C1QL3: variants seen among roughly 807,000 people sequenced by gnomAD.
C1QL3 encodes the protein complement C1q like 3, also known as complement C1q-like protein 3.
C1QL3 carries 4 observed loss-of-function variants against 16.6 expected under a neutral mutation model. The ratio of observed to expected loss-of-function variants is 0.24; its 90% CI spans 0.12 to 0.55. C1QL3 has a LOEUF of 0.55. Among genes scored for constraint, C1QL3 ranks in the 20% least tolerant of loss-of-function variants. The pLI is 0.94. For synonymous variants in C1QL3, 189 were observed against 160.2 expected (o/e 1.18, Z -1.36); for missense variants, 269 against 365.6 (o/e 0.74, Z 2.16).
intron 1 of C1QL3, among the ~76,000 whole-genome samples, chr10:16,515,473 G>A (rs1232602034): frequency 2.0e-5 from 3 of 152,102 alleles, no homozygotes; most frequent in African/African-American, 7.2e-5. Context: ...CATGCTCTGA[G>A]GCCTCTCAAG....
In C1QL3 at chr10:16,521,295, C is replaced by T; in HGVS notation, c.-230G>A. On this transcript the variant is annotated 5_prime_UTR_variant, in exon 1 of 2. Transcript: ENST00000298943. ...GCGGAGGCTGCGGCTGGGGAGGGAGCGCGGGCGCCCAGTGACTTGAGCCGA... is the reference window on the plus strand; with the variant it reads ...GCGGAGGCTGCGGCTGGGGAGGGAGTGCGGGCGCCCAGTGACTTGAGCCGA... 1 of 480,340 alleles carries T rather than the reference C, an allele frequency of 2.1e-6. No individual in the cohort carries two copies. The highest frequency in any genetic ancestry group is 3.7e-6 in the Non-Finnish European group (1 of 273,794). 29.8% of individuals were successfully genotyped at this position (480,340 alleles called of 1,614,324 possible).
rs776290777 is a variant in C1QL3 at position 16,520,766 on chromosome 10, G to C, written c.300C>G (p.Gly100=). ...CGGGCGCCCCGGGCGGGCCCGGCAG[G>C]CCTTGGCGGCCCGGCTCGCCCTTCT... is the stretch of plus-strand genomic sequence containing the variant. The part of the protein sequence containing the change: ...PGEKGEPGRQ[G]LPGPPGAPGL... The change falls in exon 1 of 2, where the codon GGC becomes GGG. Residue 100 remains glycine, a synonymous_variant. Coordinates refer to ENST00000298943, the MANE Select transcript of C1QL3 (RefSeq NM_001010908.2). The surrounding 1 kb of genome is among the most constrained non-coding windows in gnomAD (Gnocchi z 8.3). 1 of 1,315,740 alleles carries C rather than the reference G, an allele frequency of 7.6e-7. No homozygotes were observed. Among genetic ancestry groups the C allele is most frequent in the South Asian group, 2.4e-5 (1 of 41,488 alleles). The allele number at this position is 1,315,740 out of a possible 1,614,324, so 81.5% of individuals were successfully genotyped here. A position where few individuals can be genotyped will look rare whatever the true frequency, so the allele number is the denominator to read the frequency against.
rs770900487 is a variant in C1QL3, at chr10:16,521,013, G to C, written c.53C>G (p.Thr18Arg). Residue 18 changes from threonine (T) to arginine (R), a missense_variant, in exon 1 of 2, where the codon ACG becomes AGG. Transcript: ENST00000298943. ...LIPVLVSSAG[T>R]SAHYEMLGTC... ...GCCCAGCATCTCGTAGTGCGCCGAC[G>C]TGCCGGCCGAGCTCACCAGCACCGG... The C allele has an allele frequency of 3.1e-5, 49 of 1,599,324 alleles. No homozygotes were observed. The highest frequency in any genetic ancestry group is 4.1e-5 in the Non-Finnish European group (48 of 1,178,400).
In C1QL3 at chr10:16,519,140, C is replaced by CTTTTTTTTTTTTTTT. The variant is rs567187339; in HGVS notation, c.588+1323_588+1337dup. ...TTTTTTCTCTCTTACGCATTTAGGACTTTTTTTTTTTTTTTTTTGGTCTTT... is the reference window on the plus strand; with the variant it reads ...TTTTTTCTCTCTTACGCATTTAGGACTTTTTTTTTTTTTTTTTTTTTTTTTTTTTTTTTGGTCTTT... On this transcript the variant is annotated intron_variant, in intron 1 of 1. Transcript: ENST00000298943. 1.5e-3 allele frequency among the ~76,000 whole-genome samples: 58 copies of CTTTTTTTTTTTTTTT among 39,444 alleles called. 10 individuals carry two copies. Among genetic ancestry groups the CTTTTTTTTTTTTTTT allele is most frequent in the African/African-American group, 6.0e-3 (39 of 6,458 alleles). The allele number at this position is 39,444 out of a possible 152,430, so 25.9% of individuals were successfully genotyped here.
Position 16,520,441 on chromosome 10 carries a change from T to TCCCG in C1QL3, c.588+36_588+37insCGGG. 2 of 1,227,532 alleles carry TCCCG rather than the reference T, an allele frequency of 1.6e-6. No homozygotes were observed. The highest frequency in any genetic ancestry group is 2.3e-6 in the Non-Finnish European group (2 of 881,044). 76.0% of individuals were successfully genotyped at this position (1,227,532 alleles called of 1,614,324 possible). Reference sequence around the variant, plus strand: ...CCCTCTCGCCCGCACCTTCCCGCGCTCCCTCCCCGCCCTCCCCGCCGCCCG... The same window carrying TCCCG: ...CCCTCTCGCCCGCACCTTCCCGCGCTCCCGCCCTCCCCGCCCTCCCCGCCGCCCG... On this transcript the variant is annotated intron_variant, in intron 1 of 1. Transcript: ENST00000298943. This position sits in a 1 kb window ranked among gnomAD's most constrained non-coding sequence, Gnocchi z 8.3.
Position 16,521,223 on chromosome 10 carries a change from C to G in C1QL3, c.-158G>C. The G allele has an allele frequency of 1.6e-6, 1 of 629,616 alleles. No homozygotes were observed. Among genetic ancestry groups the G allele is most frequent in the Non-Finnish European group, 2.6e-6 (1 of 378,468 alleles). 39.0% of individuals were successfully genotyped at this position (629,616 alleles called of 1,614,324 possible). ...ACAACCCCCTGCGAACCCCAACTCC[C>G]CTGGGCGTGCGTGCGCCGGCCGCTG... On this transcript the variant is annotated 5_prime_UTR_variant, in exon 1 of 2. Coordinates refer to ENST00000298943, the MANE Select transcript of C1QL3 (RefSeq NM_001010908.2).
At position 16,520,441 on chromosome 10, in the gene C1QL3, T is replaced by TCCCGC; in HGVS notation, c.588+36_588+37insGCGGG. 1 of 1,227,530 alleles carries TCCCGC rather than the reference T, an allele frequency of 8.1e-7. No homozygotes were observed. The highest frequency in any genetic ancestry group is 1.1e-6 in the Non-Finnish European group (1 of 881,042). 76.0% of individuals were successfully genotyped at this position (1,227,530 alleles called of 1,614,324 possible). A position where few individuals can be genotyped will look rare whatever the true frequency, so the allele number is the denominator to read the frequency against. ...CCCTCTCGCCCGCACCTTCCCGCGC[T>TCCCGC]CCCTCCCCGCCCTCCCCGCCGCCCG... is the stretch of plus-strand genomic sequence containing the variant. On this transcript the variant is annotated intron_variant, in intron 1 of 1. Transcript: ENST00000298943. This position sits in a 1 kb window ranked among gnomAD's most constrained non-coding sequence, Gnocchi z 8.3.
chr10:16,519,831 C>T lies in C1QL3; in HGVS notation c.588+647G>A, dbSNP rs139999915. Reference sequence around the variant, plus strand: ...ACTATTCTTTTTGTTATCAGCACTCCTTGCCTCTCCCCTCCGCTATTTTTT... The same window carrying T: ...ACTATTCTTTTTGTTATCAGCACTCTTTGCCTCTCCCCTCCGCTATTTTTT... On this transcript the variant is annotated intron_variant, in intron 1 of 1. Transcript: ENST00000298943. Among the ~76,000 whole-genome samples the T allele has an allele frequency of 9.2e-3, 1,396 of 152,304 alleles. 21 individuals are homozygous for T. Among genetic ancestry groups the T allele is most frequent in the African/African-American group, 0.032 (1,320 of 41,566 alleles).
intron 1 of C1QL3, among the ~76,000 whole-genome samples, chr10:16,519,686 G>C (rs566288011): frequency 3.9e-5 from 6 of 152,220 alleles, no homozygotes; most frequent in African/African-American, 1.4e-4. Flanking sequence ...TAGACCCGGG[G>C]CTGGGCTCGA....
In C1QL3 at chr10:16,520,445, T is replaced by TCCCCCCCCCCC; in HGVS notation, c.588+32_588+33insGGGGGGGGGGG. On this transcript the variant is annotated intron_variant, in intron 1 of 1. Transcript: ENST00000298943. The surrounding 1 kb of genome is among the most constrained non-coding windows in gnomAD (Gnocchi z 8.3). ...CTCGCCCGCACCTTCCCGCGCTCCCTCCCCGCCCTCCCCGCCGCCCGCCCG... is the reference window on the plus strand; with the variant it reads ...CTCGCCCGCACCTTCCCGCGCTCCCTCCCCCCCCCCCCCCCGCCCTCCCCGCCGCCCGCCCG... The TCCCCCCCCCCC allele has an allele frequency of 1.1e-5, 6 of 527,488 alleles. No individual in the cohort carries two copies. The highest frequency in any genetic ancestry group is 6.6e-5 in the South Asian group (3 of 45,568). The allele number at this position is 527,488 out of a possible 1,614,324, so 32.7% of individuals were successfully genotyped here.
In C1QL3 at chr10:16,521,249, C is replaced by A; in HGVS notation, c.-184G>T. ...CTGGGCGTGCGTGCGCCGGCCGCTGCTGCCGACTCCTGCTCCCCCCGCGGA... is the reference window on the plus strand; with the variant it reads ...CTGGGCGTGCGTGCGCCGGCCGCTGATGCCGACTCCTGCTCCCCCCGCGGA... On this transcript the variant is annotated 5_prime_UTR_variant, in exon 1 of 2. Coordinates refer to ENST00000298943, the MANE Select transcript of C1QL3 (RefSeq NM_001010908.2). 1.8e-6 allele frequency: 1 copy of A among 569,150 alleles called. No homozygotes were observed. Among genetic ancestry groups the A allele is most frequent in the Non-Finnish European group, 3.0e-6 (1 of 329,418 alleles). The allele number at this position is 569,150 out of a possible 1,614,324, so 35.3% of individuals were successfully genotyped here. A position where few individuals can be genotyped will look rare whatever the true frequency, so the allele number is the denominator to read the frequency against.
intron 1 of C1QL3, among the ~76,000 whole-genome samples, chr10:16,519,598 G>A (rs1837006192): frequency 6.6e-6 from 1 of 152,110 alleles, no homozygotes; most frequent in African/African-American, 2.4e-5. Context: ...GAATACTGCA[G>A]ACCCATGCGT....
At chr10:16,518,937 G>A (rs757965425) in intron 1 of C1QL3, among the ~76,000 whole-genome samples, 1 of 151,830 alleles carries the variant, frequency 6.6e-6, no homozygotes, top group Non-Finnish European at 1.5e-5. Context: ...GCCTATAACT[G>A]TTTTACTGTT....
rs201860176 is a variant in C1QL3, at chr10:16,520,682, G to C, written c.384C>G (p.Ala128=). Residue 128 remains alanine, a synonymous_variant, in exon 1 of 2, where the codon GCC becomes GCG. Coordinates refer to ENST00000298943, the MANE Select transcript of C1QL3 (RefSeq NM_001010908.2). The surrounding 1 kb of genome is among the most constrained non-coding windows in gnomAD (Gnocchi z 8.3). The part of the protein sequence containing the change: ...AATYSTVPKI[A]FYAGLKRQHE... ...GCTGCCGCTTGAGGCCGGCGTAGAA[G>C]GCGATCTTGGGCACCGTGCTGTAGG... The C allele has an allele frequency of 1.1e-5, 18 of 1,608,258 alleles. No homozygotes were observed. In the Admixed American group the frequency reaches 2.9e-4, roughly 25 times the overall value.
At position 16,520,449 on chromosome 10, in the gene C1QL3, C is replaced by A; in HGVS notation, c.588+29G>T. The A allele has an allele frequency of 3.3e-6, 4 of 1,229,454 alleles. No individual in the cohort carries two copies. The highest frequency in any genetic ancestry group is 4.6e-6 in the Non-Finnish European group (4 of 871,356). 76.2% of individuals were successfully genotyped at this position (1,229,454 alleles called of 1,614,324 possible). A position where few individuals can be genotyped will look rare whatever the true frequency, so the allele number is the denominator to read the frequency against. On this transcript the variant is annotated intron_variant, in intron 1 of 1. Coordinates refer to ENST00000298943, the MANE Select transcript of C1QL3 (RefSeq NM_001010908.2). This position sits in a 1 kb window ranked among gnomAD's most constrained non-coding sequence, Gnocchi z 8.3. Reference sequence around the variant, plus strand: ...CCCGCACCTTCCCGCGCTCCCTCCCCGCCCTCCCCGCCGCCCGCCCGCGCT... The same window carrying A: ...CCCGCACCTTCCCGCGCTCCCTCCCAGCCCTCCCCGCCGCCCGCCCGCGCT...
intron 1 of C1QL3, among the ~76,000 whole-genome samples, chr10:16,516,245 A>C (rs1383965636): frequency 1.3e-5 from 2 of 152,170 alleles, no homozygotes; most frequent in African/African-American, 2.4e-5. Context: ...ACTCCAATAT[A>C]TATGCCAATT....
chr10:16,514,051 C>G lies in C1QL3; in HGVS notation c.*477G>C. On this transcript the variant is annotated 3_prime_UTR_variant, in exon 2 of 2. Transcript: ENST00000298943. ...GGCAAACAATTTCTTTGGGGACAAG[C>G]AGCATTATTTCAATTAGACCTTCTC... The G allele has an allele frequency of 2.9e-6, 1 of 346,024 alleles. No homozygotes were observed. Among genetic ancestry groups the G allele is most frequent in the East Asian group, 4.3e-5 (1 of 23,462 alleles). The allele number at this position is 346,024 out of a possible 1,614,324, so 21.4% of individuals were successfully genotyped here. A position where few individuals can be genotyped will look rare whatever the true frequency, so the allele number is the denominator to read the frequency against.
chr10:16,514,432 C>T lies in C1QL3; in HGVS notation c.*96G>A. 1 of 981,652 alleles carries T rather than the reference C, an allele frequency of 1.0e-6. No individual in the cohort carries two copies. Among genetic ancestry groups the T allele is most frequent in the South Asian group, 1.5e-5 (1 of 65,818 alleles). 60.8% of individuals were successfully genotyped at this position (981,652 alleles called of 1,614,324 possible). A position where few individuals can be genotyped will look rare whatever the true frequency, so the allele number is the denominator to read the frequency against. Reference sequence around the variant, plus strand: ...CCCCACATATACACAACTGAGGTGCCCTGCCATTGGCATCCCCTGGGATCC... The same window carrying T: ...CCCCACATATACACAACTGAGGTGCTCTGCCATTGGCATCCCCTGGGATCC... On this transcript the variant is annotated 3_prime_UTR_variant, in exon 2 of 2. Coordinates refer to ENST00000298943, the MANE Select transcript of C1QL3 (RefSeq NM_001010908.2).
intron 1 of C1QL3, among the ~76,000 whole-genome samples, chr10:16,517,185 G>A (rs895928038): frequency 1.3e-5 from 2 of 152,224 alleles, no homozygotes; most frequent in Non-Finnish European, 1.5e-5. Flanking sequence ...GCAATCAACC[G>A]ATTTCTACCT....
Sources: allele counts gnomAD v4.1 joint callset (sites outside exome capture counted in the v4.1 genomes callset), GRCh38; gene constraint gnomAD v4.1.1; non-coding constraint Gnocchi (gnomAD v3.1); transcripts MANE v1.5; gene names NCBI Gene and HGNC (gene_info 2026-07-23, HGNC 2026-07-21).